The following GPC6 variants were observed in gnomAD, a reference collection of about 807,000 sequenced individuals.
GPC6 encodes the protein glypican-6.
In GPC6, 14 loss-of-function variants were observed where a neutral mutation model predicts 55.2. The observed-to-expected ratio is 0.25, with a 90% confidence interval of 0.17 to 0.40. GPC6 has a LOEUF of 0.40. GPC6 is among the 10% of genes least tolerant of loss of function. The pLI is 1.00. For synonymous variants in GPC6, 278 were observed against 259.6 expected (o/e 1.07, Z -0.68); for missense variants, 641 against 708.5 (o/e 0.90, Z 1.08).
chr13:94,341,362 A>T (rs9516398), intron 6 of GPC6, among the ~76,000 whole-genome samples: 7,677 of 152,246 alleles, frequency 0.05, 253 homozygotes, highest in East Asian at 0.094. Flanking sequence ...AAGCAGGCGG[A>T]TCACTTGAGG....
Position 93,227,926 on chromosome 13 carries a change from A to C in GPC6, c.160+310A>C, listed in dbSNP as rs1392253386. Among the ~76,000 whole-genome samples the C allele has an allele frequency of 1.3e-5, 2 of 151,740 alleles. No individual in the cohort carries two copies. Among genetic ancestry groups the C allele is most frequent in the African/African-American group, 4.8e-5 (2 of 41,290 alleles). On this transcript the variant is annotated intron_variant, in intron 1 of 8. Transcript: ENST00000377047. This position sits in a 1 kb window ranked among gnomAD's most constrained non-coding sequence, Gnocchi z 4.3. ...CCCGGCTGGCCAGGGAGCCCGGGTC[A>C]CTCCGGGGCGGCTGCAAGGCGCAGA...
At chr13:93,465,502 A>C (rs1284026000) in intron 1 of GPC6, among the ~76,000 whole-genome samples, 1 of 152,196 alleles carries the variant, frequency 6.6e-6, no homozygotes, top group African/African-American at 2.4e-5. Flanking sequence ...CAACCATATG[A>C]ATCAACCTTT....
intron 1 of GPC6, among the ~76,000 whole-genome samples, chr13:93,249,516 G>A (rs1347085163): frequency 3.9e-5 from 6 of 152,166 alleles, no homozygotes; most frequent in African/African-American, 1.4e-4. Context: ...GGTTTGGTCT[G>A]TTGAAAGAGG....
intron 2 of GPC6, among the ~76,000 whole-genome samples, chr13:93,593,308 G>A (rs2139511407): frequency 6.6e-6 from 1 of 152,158 alleles, no homozygotes; most frequent in African/African-American, 2.4e-5. Context: ...TTTAAAAAAT[G>A]CATCCAGAAT....
At chr13:93,511,009 A>ATATATG (rs1880948580) in intron 1 of GPC6, among the ~76,000 whole-genome samples, 1 of 65,868 alleles carries the variant, frequency 1.5e-5, no homozygotes, top group African/African-American at 4.4e-5. Flanking sequence ...ATATATATTC[A>ATATATG]TGTCCTTTGG....
intron 3 of GPC6, among the ~76,000 whole-genome samples, chr13:93,942,776 T>G (rs1878800953): frequency 6.6e-6 from 1 of 152,184 alleles, no homozygotes; most frequent in African/African-American, 2.4e-5. Context: ...ATCTACATAC[T>G]GCCAACTACA....
At chr13:93,881,143 G>T (rs1400475844) in intron 3 of GPC6, among the ~76,000 whole-genome samples, 1 of 152,078 alleles carries the variant, frequency 6.6e-6, no homozygotes, top group African/African-American at 2.4e-5. Context: ...TTACCTTGAT[G>T]GTGGAAATAG....
At chr13:94,191,049 G>C (rs1889376852) in intron 4 of GPC6, among the ~76,000 whole-genome samples, 1 of 152,086 alleles carries the variant, frequency 6.6e-6, no homozygotes, top group Non-Finnish European at 1.5e-5. Flanking sequence ...AAATGTTTTT[G>C]TACCATTCTT....
At chr13:93,231,503 C>T (rs1322982799) in intron 1 of GPC6, among the ~76,000 whole-genome samples, 15 of 147,334 alleles carry the variant, frequency 1.0e-4, no homozygotes, top group Admixed American at 8.1e-4. Flanking sequence ...ATGCTAAATA[C>T]GTTTCTATTT....
intron 1 of GPC6, among the ~76,000 whole-genome samples, chr13:93,325,970 C>T (rs771165597): frequency 3.3e-5 from 5 of 152,096 alleles, no homozygotes; most frequent in African/African-American, 1.2e-4. Context: ...TGACTAGGTA[C>T]TGGGACATAA....
At chr13:94,161,858 A>C (rs1243988667) in intron 4 of GPC6, among the ~76,000 whole-genome samples, 1 of 152,166 alleles carries the variant, frequency 6.6e-6, no homozygotes, top group Non-Finnish European at 1.5e-5. Context: ...ACAGTTCCAC[A>C]TGGCTGGGGG....
chr13:93,406,162 T>C (rs960646291), intron 1 of GPC6, among the ~76,000 whole-genome samples: 1 of 152,226 alleles, frequency 6.6e-6, no homozygotes, highest in African/African-American at 2.4e-5. Flanking sequence ...GAAAGAGTGA[T>C]GAAGAATTTG....
chr13:93,597,158 A>G (rs1187107938), intron 2 of GPC6, among the ~76,000 whole-genome samples: 2 of 152,134 alleles, frequency 1.3e-5, no homozygotes, highest in South Asian at 2.1e-4. Context: ...CCTGTACTCA[A>G]TCTATTCCTT....
chr13:94,185,406 A>G (rs1486533480), intron 4 of GPC6, among the ~76,000 whole-genome samples: 3 of 152,072 alleles, frequency 2.0e-5, no homozygotes, highest in Non-Finnish European at 4.4e-5. Context: ...AGTGTAGTGG[A>G]AAGTCTACAA....
At chr13:93,751,396 G>A in intron 2 of GPC6, among the ~76,000 whole-genome samples, 1 of 151,410 alleles carries the variant, frequency 6.6e-6, no homozygotes, top group East Asian at 1.9e-4. Flanking sequence ...TCCCATGATT[G>A]TGTGTCTGAT....
At chr13:94,272,554 C>T (rs537907378) in intron 4 of GPC6, among the ~76,000 whole-genome samples, 6 of 149,460 alleles carry the variant, frequency 4.0e-5, no homozygotes, top group South Asian at 4.2e-4. Context: ...CTGCAAGCTC[C>T]GCCTCCCAGG....
intron 2 of GPC6, among the ~76,000 whole-genome samples, chr13:93,637,043 C>T (rs1594331320): frequency 6.6e-6 from 1 of 151,450 alleles, no homozygotes; most frequent in South Asian, 2.1e-4. Flanking sequence ...TAGGCCTTTT[C>T]CTCCTTGTAA....
intron 2 of GPC6, among the ~76,000 whole-genome samples, chr13:93,808,682 T>A (rs1886607929): frequency 6.6e-6 from 1 of 152,218 alleles, no homozygotes; most frequent in South Asian, 2.1e-4. Context: ...GCAAGTTTAT[T>A]CCAGAAAGTA....
intron 4 of GPC6, among the ~76,000 whole-genome samples, chr13:94,150,860 A>G (rs1481274418): frequency 6.9e-6 from 1 of 143,938 alleles, no homozygotes; most frequent in Non-Finnish European, 1.5e-5. Context: ...TAAACGAATG[A>G]AGACAATTTG....
Sources: allele counts gnomAD v4.1 joint callset (sites outside exome capture counted in the v4.1 genomes callset), GRCh38; gene constraint gnomAD v4.1.1; non-coding constraint Gnocchi (gnomAD v3.1); transcripts MANE v1.5; gene names NCBI Gene and HGNC (gene_info 2026-07-23, HGNC 2026-07-21).